Variants in FSCN2 observed in about 807,000 individuals in gnomAD.
The protein encoded by FSCN2 is fascin actin-bundling protein 2, retinal, also known as fascin-2.
In FSCN2, 46 loss-of-function variants were observed where a neutral mutation model predicts 37.8. That is an observed-to-expected ratio of 1.22 (90% CI 0.96 to 1.56). The LOEUF (loss-of-function observed/expected upper bound fraction) is 1.56, where lower values mean the gene tolerates loss of function less well. Ranked by LOEUF, FSCN2 falls within the 40% of genes most tolerant of loss-of-function variation. The pLI, the probability that FSCN2 is intolerant of heterozygous loss-of-function variation, is 0.00. For synonymous variants in FSCN2, 351 were observed against 309.4 expected, an observed-to-expected ratio of 1.13 and a Z score of -1.41; for missense variants, 844 against 730.4, an observed-to-expected ratio of 1.16 and a Z score of -1.79.
the FSCN2 span, among the ~76,000 whole-genome samples, chr17:81,522,616 G>A: frequency 1.3e-5 from 2 of 152,348 alleles, no homozygotes; most frequent in East Asian, 3.9e-4. Context: ...CTGAACTTGC[G>A]GGTGGACGTG....
At chr17:81,528,337 G>T (rs574226342), upstream of FSCN2, 26 of 586,866 alleles carry the variant, frequency 4.4e-5, no homozygotes, top group African/African-American at 2.6e-4. Flanking sequence ...TCTGCTGCCC[G>T]CGGGCCCTCT....
At chr17:81,532,044 GTGATGA>G (rs1331635549) in intron 1 of FSCN2, among the ~76,000 whole-genome samples, 33 of 113,888 alleles carry the variant, frequency 2.9e-4, no homozygotes, top group Non-Finnish European at 4.4e-4. Flanking sequence ...GATGATGATG[GTGATGA>G]TGGTGATGGT....
rs1368422495 is a variant in FSCN2, at chr17:81,532,557, G to GTGGTGA, written c.827-2483_827-2478dup. ...GATAGTGATGGTGGTGATGGTGATGGTGGTGATGGTGATGGTGGTGATGAT... is the reference window on the plus strand; with the variant it reads ...GATAGTGATGGTGGTGATGGTGATGGTGGTGATGGTGATGGTGATGGTGGTGATGAT... On this transcript the variant is annotated intron_variant, in intron 1 of 4. Coordinates refer to ENST00000417245, the MANE Select transcript of FSCN2 (RefSeq NM_012418.4). Among the ~76,000 whole-genome samples the GTGGTGA allele has an allele frequency of 2.2e-5, 3 of 139,150 alleles. No individual in the cohort carries two copies. The South Asian group carries it at 7.2e-4, about 33-fold the overall frequency. 91.3% of individuals were successfully genotyped at this position (139,150 alleles called of 152,430 possible).
chr17:81,519,925 C>A, the FSCN2 span, among the ~76,000 whole-genome samples: 1 of 152,200 alleles, frequency 6.6e-6, no homozygotes, highest in Non-Finnish European at 1.5e-5. Context: ...TGCTAAGCAC[C>A]AGCTCCCAGA....
intron 2 of FSCN2, 90 bp from the exon 3 acceptor site, chr17:81,536,056 C>T (rs1422265103): frequency 2.0e-6 from 3 of 1,494,786 alleles, no homozygotes; most frequent in Non-Finnish European, 1.8e-6. Flanking sequence ...GCTTCTGTCC[C>T]ACTCCTTGGA....
At chr17:81,517,760 G>GC in the FSCN2 span, among the ~76,000 whole-genome samples, 511 of 113,254 alleles carry the variant, frequency 4.5e-3, 2 homozygotes, top group Admixed American at 7.5e-3. Flanking sequence ...AGCTCCGGCC[G>GC]CCCCCCCCCC....
chr17:81,525,587 T>G (rs571898298), upstream of FSCN2, among the ~76,000 whole-genome samples: 3 of 149,524 alleles, frequency 2.0e-5, no homozygotes, highest in Non-Finnish European at 4.5e-5. Context: ...TAGCTGGGTA[T>G]GGTGGCAGGC....
the FSCN2 span, among the ~76,000 whole-genome samples, chr17:81,517,653 C>A: frequency 6.6e-6 from 1 of 152,138 alleles, no homozygotes; most frequent in Non-Finnish European, 1.5e-5. Context: ...GAGAAGAAGG[C>A]TCCTTTCCCC....
upstream of FSCN2, among the ~76,000 whole-genome samples, chr17:81,527,992 G>C (rs980711611): frequency 3.9e-5 from 6 of 152,234 alleles, no homozygotes; most frequent in South Asian, 2.1e-4. Flanking sequence ...GCCACCGAGG[G>C]TACGGGCGGC....
At chr17:81,530,871 C>A (rs540243461) in intron 1 of FSCN2, among the ~76,000 whole-genome samples, 1 of 151,988 alleles carries the variant, frequency 6.6e-6, no homozygotes, top group African/African-American at 2.4e-5. Context: ...CCTATCACAG[C>A]CCACAGTCCA....
the FSCN2 span, among the ~76,000 whole-genome samples, chr17:81,519,294 C>G: frequency 6.6e-6 from 1 of 152,140 alleles, no homozygotes; most frequent in Non-Finnish European, 1.5e-5. Flanking sequence ...AGGGCGCGGG[C>G]CTGGGCCTCA....
Position 81,531,660 on chromosome 17 carries a change from GTGA to G in FSCN2, c.826+2312_826+2314del, listed in dbSNP as rs1353862566. Among the ~76,000 whole-genome samples, 112 of 113,436 alleles carry G rather than the reference GTGA, an allele frequency of 9.9e-4. 2 individuals are homozygous for G. Among genetic ancestry groups the G allele is most frequent in the Admixed American group, 1.7e-3 (20 of 11,444 alleles). The allele number at this position is 113,436 out of a possible 152,430, so 74.4% of individuals were successfully genotyped here. On this transcript the variant is annotated intron_variant, in intron 1 of 4. Coordinates refer to ENST00000417245, the MANE Select transcript of FSCN2 (RefSeq NM_012418.4). ...GGTGGTGGTGGTGATGATAGTGATG[GTGA>G]TGATGATGGTGATGATGATGGTGAT...
chr17:81,523,453 G>A (rs180773485), upstream of FSCN2, among the ~76,000 whole-genome samples: 5 of 152,236 alleles, frequency 3.3e-5, no homozygotes, highest in Admixed American at 1.3e-4. Context: ...TCATGAGGTC[G>A]CCAGGCTGCA....
chr17:81,528,846 G>A lies in FSCN2; in HGVS notation c.315G>A (p.Glu105=). 1.3e-6 allele frequency: 2 copies of A among 1,554,674 alleles called. No homozygotes were observed. Among genetic ancestry groups the A allele is most frequent in the Non-Finnish European group, 8.7e-7 (1 of 1,152,468 alleles). Residue 105 remains glutamate, a synonymous_variant, in exon 1 of 5, where the codon GAG becomes GAA. Coordinates refer to ENST00000417245, the MANE Select transcript of FSCN2 (RefSeq NM_012418.4). ...ATGGGCGCTGGGTGCTGCGGTCCGA[G>A]CCGCACGGCCGCTTCTTCGGAGGCA... ...QPDGRWVLRS[E]PHGRFFGGTE...
At chr17:81,533,447 A>T (rs1407286394) in intron 1 of FSCN2, among the ~76,000 whole-genome samples, 1 of 151,964 alleles carries the variant, frequency 6.6e-6, no homozygotes, top group Non-Finnish European at 1.5e-5. Context: ...CTCCGTTCTT[A>T]CCTCCTCACC....
At chr17:81,528,369 C>G (rs997999562), upstream of FSCN2, 3 of 605,898 alleles carry the variant, frequency 5.0e-6, no homozygotes, top group South Asian at 6.0e-5. Flanking sequence ...AGGCTGCTGC[C>G]GCGGGTCAGA....
chr17:81,535,178 A>G lies in FSCN2; in HGVS notation c.953A>G (p.His318Arg). The G allele has an allele frequency of 6.5e-7, 1 of 1,533,148 alleles. No homozygotes were observed. Among genetic ancestry groups the G allele is most frequent in the African/African-American group, 1.4e-5 (1 of 72,878 alleles). 95.0% of individuals were successfully genotyped at this position (1,533,148 alleles called of 1,614,324 possible). Residue 318 changes from histidine (H) to arginine (R), a missense_variant, in exon 2 of 5, where the codon CAT becomes CGT. By Grantham distance (29) the His-to-Arg change is conservative. Transcript: ENST00000417245. Reference sequence around the variant, plus strand: ...GGGGGCTACTGGACCCTGGTCACCCATGGGGGCATTCACGCCACAGCCACA... The same window carrying G: ...GGGGGCTACTGGACCCTGGTCACCCGTGGGGGCATTCACGCCACAGCCACA... Reference protein sequence around the residue: ...STGGYWTLVTHGGIHATATQV... With the variant: ...STGGYWTLVTRGGIHATATQV...
intron 1 of FSCN2, among the ~76,000 whole-genome samples, chr17:81,534,816 G>A (rs1327659227): frequency 6.6e-6 from 1 of 151,720 alleles, no homozygotes; most frequent in African/African-American, 2.4e-5. Flanking sequence ...GGCTCCTGGG[G>A]GTGTGGAGGG....
chr17:81,536,169 T>A lies in FSCN2; in HGVS notation c.1007T>A (p.Met336Lys). 6.2e-7 allele frequency: 1 copy of A among 1,605,980 alleles called. No individual in the cohort carries two copies. Among genetic ancestry groups the A allele is most frequent in the South Asian group, 1.1e-5 (1 of 89,616 alleles). The part of the protein sequence containing the change: ...TQVSANTMFE[M>K]EWRGRRVALK... ...AGTTCTGCCAACACCATGTTTGAGA[T>A]GGAGTGGCGTGGCCGGCGGGTAGCA... Residue 336 changes from methionine (M) to lysine (K), a missense_variant, in exon 3 of 5, where the codon ATG becomes AAG. Coordinates refer to ENST00000417245, the MANE Select transcript of FSCN2 (RefSeq NM_012418.4).
Sources: gnomAD v4.1 joint callset for allele counts (sites outside exome capture counted in the v4.1 genomes callset) on GRCh38, gnomAD v4.1.1 for gene constraint, MANE v1.5 for transcripts, NCBI Gene and HGNC (gene_info 2026-07-23, HGNC 2026-07-21) for gene names.